The following ADAMTS12 variants were observed in gnomAD, a reference collection of about 807,000 sequenced individuals.
The protein encoded by ADAMTS12 is ADAM metallopeptidase with thrombospondin type 1 motif 12.
In ADAMTS12, 118 loss-of-function variants were observed where a neutral mutation model predicts 167.8. The observed-to-expected ratio is 0.70, with a 90% CI of 0.61 to 0.82. The LOEUF is 0.82. ADAMTS12 is among the 40% of genes least tolerant of loss of function. The pLI, the probability that ADAMTS12 is intolerant of heterozygous loss-of-function variation, is 0.00. For missense variants in ADAMTS12, 1,916 were observed against 1,998.8 expected (o/e 0.96, Z 0.79); for synonymous variants, 704 against 716.9 (o/e 0.98, Z 0.29).
chr5:33,572,192 C>T (rs1293256797), intron 19 of ADAMTS12, among the ~76,000 whole-genome samples: 2 of 152,090 alleles, frequency 1.3e-5, no homozygotes, highest in Non-Finnish European at 2.9e-5. Flanking sequence ...GGTACCATTC[C>T]TTCTGAAACT....
At chr5:33,558,185 G>C (rs1745571700) in intron 20 of ADAMTS12, among the ~76,000 whole-genome samples, 1 of 152,064 alleles carries the variant, frequency 6.6e-6, no homozygotes, top group Non-Finnish European at 1.5e-5. Flanking sequence ...ATTTTGTAGA[G>C]ATCACAAAAC....
chr5:33,538,566 A>C (rs961885454), intron 22 of ADAMTS12, among the ~76,000 whole-genome samples: 1 of 152,176 alleles, frequency 6.6e-6, no homozygotes, highest in African/African-American at 2.4e-5. Context: ...TAGCCCTCTA[A>C]GGGGAGACTC....
intron 2 of ADAMTS12, among the ~76,000 whole-genome samples, chr5:33,755,480 C>G (rs1004939340): frequency 6.6e-6 from 1 of 152,198 alleles, no homozygotes; most frequent in Non-Finnish European, 1.5e-5. Flanking sequence ...CCTCCCTCCC[C>G]TCAACTTGCA....
At chr5:33,745,957 C>G (rs1341643754) in intron 3 of ADAMTS12, among the ~76,000 whole-genome samples, 1 of 152,108 alleles carries the variant, frequency 6.6e-6, no homozygotes, top group Non-Finnish European at 1.5e-5. Context: ...TCTTGAAGCA[C>G]TTTATCAATC....
intron 17 of ADAMTS12, among the ~76,000 whole-genome samples, 198 bp from the exon 18 acceptor site, chr5:33,589,007 G>A (rs1201587726): frequency 6.6e-6 from 1 of 152,226 alleles, no homozygotes; most frequent in Non-Finnish European, 1.5e-5. Context: ...AGGGCGCCTG[G>A]CATGAGCTGT....
intron 2 of ADAMTS12, among the ~76,000 whole-genome samples, chr5:33,829,284 C>T (rs528427308): frequency 9.2e-5 from 14 of 152,244 alleles, no homozygotes; most frequent in South Asian, 8.3e-4. Flanking sequence ...GCCTTAGAGA[C>T]GGGGCATCCT....
chr5:33,654,001 TC>T (rs1266273802), intron 7 of ADAMTS12, among the ~76,000 whole-genome samples: 3 of 152,214 alleles, frequency 2.0e-5, no homozygotes, highest in Non-Finnish European at 2.9e-5. Flanking sequence ...TCTTTTAGTC[TC>T]TTTCTCTTTG....
rs1229333166 is a variant in ADAMTS12, at chr5:33,849,720, TA to T, written c.489+31398del. ...TATATATGTATTGCATAGCAATATA[TA>T]GTATCTATATATGTATTGCATAGCA... is the stretch of plus-strand genomic sequence containing the variant. On this transcript the variant is annotated intron_variant, in intron 2 of 23. Transcript: ENST00000504830. Among the ~76,000 whole-genome samples the T allele has an allele frequency of 3.4e-5, 5 of 145,750 alleles. 1 individual carries two copies. The highest frequency in any genetic ancestry group is 1.0e-4 in the African/African-American group (4 of 39,152).
intron 2 of ADAMTS12, among the ~76,000 whole-genome samples, chr5:33,760,373 C>T (rs1210888336): frequency 8.9e-6 from 1 of 111,834 alleles, no homozygotes; most frequent in Non-Finnish European, 2.0e-5. Flanking sequence ...AAAAAGATGC[C>T]AAAAAAAAAA....
chr5:33,585,076 TC>T (rs1561146447), intron 18 of ADAMTS12, among the ~76,000 whole-genome samples: 1 of 148,812 alleles, frequency 6.7e-6, no homozygotes, highest in Non-Finnish European at 1.5e-5. Context: ...CATCCATCCA[TC>T]CATCCCTCCA....
chr5:33,779,971 A>G (rs1746062267), intron 2 of ADAMTS12, among the ~76,000 whole-genome samples: 1 of 152,146 alleles, frequency 6.6e-6, no homozygotes, highest in African/African-American at 2.4e-5. Context: ...TTGCTACGAG[A>G]GTAGATCTTA....
At chr5:33,604,146 A>G (rs1337096009) in intron 16 of ADAMTS12, among the ~76,000 whole-genome samples, 2 of 152,228 alleles carry the variant, frequency 1.3e-5, no homozygotes, top group Non-Finnish European at 2.9e-5. Flanking sequence ...ATAAAACAAG[A>G]TCATCTCAGA....
intron 2 of ADAMTS12, among the ~76,000 whole-genome samples, chr5:33,827,997 G>A (rs370360574): frequency 6.6e-6 from 1 of 152,194 alleles, no homozygotes; most frequent in African/African-American, 2.4e-5. Context: ...ACCAAAATCA[G>A]CACTGTGATC....
At chr5:33,789,080 C>A (rs1219577360) in intron 2 of ADAMTS12, among the ~76,000 whole-genome samples, 1 of 152,206 alleles carries the variant, frequency 6.6e-6, no homozygotes, top group Non-Finnish European at 1.5e-5. Flanking sequence ...TACATCAAAG[C>A]ATGATTTTCC....
chr5:33,758,271 C>T (rs968461134), intron 2 of ADAMTS12, among the ~76,000 whole-genome samples: 5 of 152,002 alleles, frequency 3.3e-5, no homozygotes, highest in Non-Finnish European at 5.9e-5. Flanking sequence ...TAAAAGCTAC[C>T]CCCTGTCATA....
chr5:33,605,339 A>G (rs1446039236), intron 16 of ADAMTS12, among the ~76,000 whole-genome samples: 1 of 152,214 alleles, frequency 6.6e-6, no homozygotes, highest in African/African-American at 2.4e-5. Flanking sequence ...TCTTCTCCTT[A>G]CCTCTTGCAT....
chr5:33,653,612 T>C (rs1740942716), intron 7 of ADAMTS12, among the ~76,000 whole-genome samples: 1 of 152,182 alleles, frequency 6.6e-6, no homozygotes, highest in Admixed American at 6.6e-5. Context: ...TCTTTTAACA[T>C]TGAAAAATAT....
chr5:33,837,579 C>A (rs1017359975), intron 2 of ADAMTS12, among the ~76,000 whole-genome samples: 2 of 152,188 alleles, frequency 1.3e-5, no homozygotes, highest in African/African-American at 2.4e-5. Context: ...TTGTTTCCAG[C>A]CGAATGGGAT....
intron 2 of ADAMTS12, among the ~76,000 whole-genome samples, chr5:33,835,902 T>C (rs1334188642): frequency 2.0e-5 from 3 of 146,768 alleles, no homozygotes; most frequent in Non-Finnish European, 3.0e-5. Context: ...CTGAGGATAA[T>C]ATCCATCTCT....
Sources: gnomAD v4.1 joint callset for allele counts (sites outside exome capture counted in the v4.1 genomes callset) on GRCh38, gnomAD v4.1.1 for gene constraint, MANE v1.5 for transcripts, NCBI Gene and HGNC (gene_info 2026-07-23, HGNC 2026-07-21) for gene names.